The following DMD variants were observed in gnomAD, a reference collection of about 807,000 sequenced individuals.
DMD encodes the protein mutant dystrophin.
DMD carries 63 observed loss-of-function variants against 330.1 expected under a neutral mutation model. The ratio of observed to expected loss-of-function variants is 0.19; its 90% CI spans 0.16 to 0.24. The LOEUF (loss-of-function observed/expected upper bound fraction) is 0.24. DMD is among the 10% of genes least tolerant of loss of function. DMD has a pLI of 1.00. For missense variants in DMD, 3,344 were observed against 2,684.1 expected (o/e 1.25, Z -5.43); for synonymous variants, 1,223 against 959.8 (o/e 1.27, Z -5.07).
intron 63 of DMD, among the ~76,000 whole-genome samples, chrX:31,228,333 C>T (rs1261696584): frequency 9.3e-6 from 1 of 108,033 alleles, no homozygotes; most frequent in African/African-American, 3.4e-5. Flanking sequence ...CACAATGCTA[C>T]GGAAGCCATA....
At chrX:31,834,749 T>A (rs1442347256) in intron 49 of DMD, among the ~76,000 whole-genome samples, 1 of 111,563 alleles carries the variant, frequency 9.0e-6, no homozygotes, top group Non-Finnish European at 1.9e-5. Context: ...CAACTTGATA[T>A]GTTGATTTTT....
intron 77 of DMD, among the ~76,000 whole-genome samples, chrX:31,132,225 A>G (rs1382858613): frequency 1.8e-5 from 2 of 112,203 alleles, no homozygotes; most frequent in Admixed American, 9.4e-5. Flanking sequence ...AAGTAAGTAA[A>G]TCAACATCAG....
At chrX:32,759,132 G>A (rs73209892) in intron 7 of DMD, among the ~76,000 whole-genome samples, 4,824 of 111,544 alleles carry the variant, frequency 0.043, 198 homozygotes, top group African/African-American at 0.13. Context: ...TATTTCTACA[G>A]CATTCATACA....
At chrX:33,233,723 T>C (rs1354693992) in intron 1 of DMD, among the ~76,000 whole-genome samples, 1 of 111,781 alleles carries the variant, frequency 8.9e-6, no homozygotes, top group Non-Finnish European at 1.9e-5. Flanking sequence ...GTAACATCCG[T>C]ATTTTGACTG....
At position 31,961,006 on chromosome X, in the gene DMD, T is replaced by C. The variant is rs990912074; in HGVS notation, c.6614+7333A>G. 1.2e-4 allele frequency among the ~76,000 whole-genome samples: 13 copies of C among 111,855 alleles called. 1 individual carries two copies. The highest frequency in any genetic ancestry group is 1.1e-3 in the Admixed American group (12 of 10,536). On this transcript the variant is annotated intron_variant, in intron 45 of 78. Transcript: ENST00000357033. ...TATATGTAGGATGAGGCTAAAACAT[T>C]CAGTTTCAGGGCTAATTCCTGCTTA...
intron 37 of DMD, among the ~76,000 whole-genome samples, chrX:32,362,342 T>A (rs1156360338): frequency 8.9e-6 from 1 of 111,916 alleles, no homozygotes; most frequent in Non-Finnish European, 1.9e-5. Flanking sequence ...TTTTGGATAT[T>A]TGATCCACAT....
chrX:32,057,605 A>T (rs2096187655), intron 44 of DMD, among the ~76,000 whole-genome samples: 1 of 112,039 alleles, frequency 8.9e-6, no homozygotes, highest in African/African-American at 3.2e-5. Flanking sequence ...TGTTGAAAGA[A>T]ATTGAAGATG....
intron 37 of DMD, among the ~76,000 whole-genome samples, chrX:32,361,731 C>T (rs1245165250): frequency 9.0e-6 from 1 of 111,593 alleles, no homozygotes; most frequent in Non-Finnish European, 1.9e-5. Flanking sequence ...TTGCTTATAT[C>T]TATCAAAATA....
chrX:32,300,015 GTATAAC>G (rs752855985), intron 42 of DMD, among the ~76,000 whole-genome samples: 332 of 111,427 alleles, frequency 3.0e-3, no homozygotes, highest in Non-Finnish European at 5.0e-3. Flanking sequence ...TAACTTGTTT[GTATAAC>G]TATAATATGT....
chrX:32,531,770 TAAG>T (rs1569144025), intron 17 of DMD, among the ~76,000 whole-genome samples: 1 of 110,544 alleles, frequency 9.0e-6, no homozygotes, highest in Non-Finnish European at 1.9e-5. Flanking sequence ...AAAAAAAAAA[TAAG>T]GATAAGTCAA....
intron 17 of DMD, among the ~76,000 whole-genome samples, chrX:32,522,905 G>A (rs2046580865): frequency 8.9e-6 from 1 of 111,920 alleles, no homozygotes; most frequent in African/African-American, 3.2e-5. Context: ...TCATAAATAT[G>A]AGATAGGAAT....
intron 49 of DMD, among the ~76,000 whole-genome samples, chrX:31,830,515 A>G (rs2092999361): frequency 8.9e-6 from 1 of 111,830 alleles, no homozygotes; most frequent in African/African-American, 3.2e-5. Context: ...AATCGCTTGA[A>G]CCTGGGAGGT....
intron 1 of DMD, among the ~76,000 whole-genome samples, chrX:33,031,545 G>A (rs1430255105): frequency 9.0e-6 from 1 of 110,999 alleles, no homozygotes; most frequent in African/African-American, 3.3e-5. Context: ...GGCCCAGGTG[G>A]ACGCAGCATG....
intron 34 of DMD, among the ~76,000 whole-genome samples, chrX:32,367,696 T>G (rs1463845835): frequency 1.8e-5 from 2 of 111,921 alleles, no homozygotes; most frequent in Non-Finnish European, 3.8e-5. Flanking sequence ...TCCAGCTAAT[T>G]TAAACAATGT....
chrX:31,283,430 T>C (rs924273677), intron 62 of DMD, among the ~76,000 whole-genome samples: 9 of 111,668 alleles, frequency 8.1e-5, no homozygotes, highest in Non-Finnish European at 1.5e-4. Context: ...AAATTATGAG[T>C]TTTTAAAAAT....
intron 1 of DMD, among the ~76,000 whole-genome samples, chrX:33,256,404 T>A (rs889421582): frequency 9.0e-6 from 1 of 110,585 alleles, no homozygotes; most frequent in Non-Finnish European, 1.9e-5. Flanking sequence ...GGTAACACCA[T>A]CCTAGCGTCA....
intron 44 of DMD, among the ~76,000 whole-genome samples, chrX:32,162,247 A>G (rs1180089321): frequency 1.8e-5 from 2 of 111,451 alleles, no homozygotes; most frequent in Admixed American, 1.9e-4. Flanking sequence ...GGAGCGCTAC[A>G]GCTCAGGGTG....
At chrX:31,182,375 C>A (rs1411088483) in intron 68 of DMD, among the ~76,000 whole-genome samples, 1 of 111,959 alleles carries the variant, frequency 8.9e-6, no homozygotes, top group Non-Finnish European at 1.9e-5. Flanking sequence ...TTTCTATAAA[C>A]AGGAAAGACC....
At chrX:32,506,788 T>G (rs1433542638) in intron 18 of DMD, among the ~76,000 whole-genome samples, 1 of 111,886 alleles carries the variant, frequency 8.9e-6, no homozygotes, top group Non-Finnish European at 1.9e-5. Flanking sequence ...ACTTCTGAGT[T>G]GTCTTGAAAT....
Sources: gnomAD v4.1 joint callset for allele counts (sites outside exome capture counted in the v4.1 genomes callset) on GRCh38, gnomAD v4.1.1 for gene constraint, MANE v1.5 for transcripts, NCBI Gene and HGNC (gene_info 2026-07-23, HGNC 2026-07-21) for gene names.